Variants in EML4 observed in about 807,000 individuals in gnomAD.
EML4 encodes echinoderm microtubule-associated protein-like 4.
EML4 carries 72 observed loss-of-function variants against 129.0 expected under a neutral mutation model. The ratio of observed to expected loss-of-function variants is 0.56; its 90% CI spans 0.46 to 0.68. The LOEUF is 0.68. EML4 is among the 30% of genes least tolerant of loss of function. The probability of loss-of-function intolerance (pLI) is 0.00; values close to 1 mark genes in which losing one functional copy is unlikely to be tolerated. For synonymous variants in EML4, 532 were observed against 405.0 expected, an observed-to-expected ratio of 1.31 and a Z score of -3.77; for missense variants, 1,363 against 1,190.6, an observed-to-expected ratio of 1.14 and a Z score of -2.13.
intron 1 of EML4, among the ~76,000 whole-genome samples, chr2:42,235,002 C>T (rs556253490): frequency 6.6e-6 from 1 of 152,076 alleles, no homozygotes; most frequent in South Asian, 2.1e-4. Context: ...ACTAAAAATA[C>T]AAAAATTAGC....
intron 6 of EML4, chr2:42,265,081 A>G: frequency 1.1e-6 from 1 of 872,292 alleles, no homozygotes; most frequent in Non-Finnish European, 1.8e-6. Context: ...GAGCTAGATG[A>G]ATCCAGCTAC....
At chr2:42,204,260 C>G (rs1488674414) in intron 1 of EML4, among the ~76,000 whole-genome samples, 1 of 152,072 alleles carries the variant, frequency 6.6e-6, no homozygotes, top group African/African-American at 2.4e-5. Context: ...AGTTTTAGAA[C>G]CATTAGATGA....
intron 1 of EML4, 25 bp downstream of exon 1, chr2:42,169,661 G>C (rs761807290): frequency 1.3e-6 from 2 of 1,599,150 alleles, no homozygotes; most frequent in East Asian, 4.6e-5. Context: ...GGAGTCCTGC[G>C]TCTTCTGCGA....
In EML4 at chr2:42,193,151, A is replaced by G. The variant is rs79724583; in HGVS notation, c.25+23515A>G. 5.6e-3 allele frequency among the ~76,000 whole-genome samples: 859 copies of G among 152,280 alleles called. 5 individuals carry two copies. Among genetic ancestry groups the G allele is most frequent in the East Asian group, 0.024 (124 of 5,184 alleles). ...TGTACCTTTTCTGTGCTTACATACC[A>G]TTGTGTTACCATTGCCTACAGTATT... is the stretch of plus-strand genomic sequence containing the variant. On this transcript the variant is annotated intron_variant, in intron 1 of 22. Coordinates refer to ENST00000318522, the MANE Select transcript of EML4 (RefSeq NM_019063.5).
intron 1 of EML4, among the ~76,000 whole-genome samples, chr2:42,224,466 G>C (rs1451144153): frequency 6.6e-6 from 1 of 152,040 alleles, no homozygotes; most frequent in Non-Finnish European, 1.5e-5. Context: ...TGGACATTTG[G>C]GTTATTTCTA....
At chr2:42,317,154 A>G (rs968169095) in intron 18 of EML4, among the ~76,000 whole-genome samples, 4 of 152,150 alleles carry the variant, frequency 2.6e-5, no homozygotes, top group Non-Finnish European at 4.4e-5. Context: ...GTACCCTTCC[A>G]CCCAAGAAGG....
chr2:42,301,013 G>C lies in EML4; in HGVS notation c.1490-228G>C, dbSNP rs573852574. 6.7e-4 allele frequency among the ~76,000 whole-genome samples: 102 copies of C among 152,166 alleles called. 1 individual carries two copies. Among genetic ancestry groups the C allele is most frequent in the African/African-American group, 2.4e-3 (101 of 41,498 alleles). ...TTGGTTTTTTGTAGGAAAATATTTT[G>C]AAATATTTTCAGAGTAAATAAATAT... On this transcript the variant is annotated intron_variant, in intron 13 of 22. Coordinates refer to ENST00000318522, the MANE Select transcript of EML4 (RefSeq NM_019063.5).
chr2:42,228,611 A>T (rs1415523752), intron 1 of EML4, among the ~76,000 whole-genome samples: 2 of 152,216 alleles, frequency 1.3e-5, no homozygotes, highest in Non-Finnish European at 2.9e-5. Flanking sequence ...GCTTTAAAAA[A>T]TTTCTCATGA....
chr2:42,230,826 A>G (rs183330630), intron 1 of EML4, among the ~76,000 whole-genome samples: 27 of 152,328 alleles, frequency 1.8e-4, no homozygotes, highest in Admixed American at 1.8e-3. Flanking sequence ...ATTCTTAGAT[A>G]AAAGTATCTC....
intron 2 of EML4, among the ~76,000 whole-genome samples, chr2:42,253,245 C>T (rs1026848451): frequency 9.2e-5 from 14 of 152,074 alleles, no homozygotes; most frequent in African/African-American, 2.9e-4. Flanking sequence ...TTTCTTACAC[C>T]TTGTTAAGGA....
At chr2:42,322,510 G>C (rs1035171661) in intron 19 of EML4, among the ~76,000 whole-genome samples, 3 of 152,192 alleles carry the variant, frequency 2.0e-5, no homozygotes, top group African/African-American at 7.2e-5. Context: ...ACTGATTCAG[G>C]TGATAATCAT....
intron 13 of EML4, among the ~76,000 whole-genome samples, chr2:42,298,957 G>C (rs578222028): frequency 5.9e-5 from 9 of 152,272 alleles, no homozygotes; most frequent in African/African-American, 1.7e-4. Context: ...TCCAAATAAA[G>C]CCAGTAGTAC....
At chr2:42,211,468 G>T (rs6705069) in intron 1 of EML4, among the ~76,000 whole-genome samples, 44,611 of 152,052 alleles carry the variant, frequency 0.29, 6,882 homozygotes, top group East Asian at 0.56. Flanking sequence ...ATTGGCTTGG[G>T]TGGAATCTTG....
intron 3 of EML4, among the ~76,000 whole-genome samples, chr2:42,259,719 T>C (rs984233883): frequency 1.7e-5 from 2 of 117,630 alleles, no homozygotes; most frequent in Non-Finnish European, 3.6e-5. Context: ...TGTTTCTTTC[T>C]TTCTTTTTTT....
At position 42,256,605 on chromosome 2, in the gene EML4, G is replaced by C. The variant is rs1348000190; in HGVS notation, c.313G>C (p.Glu105Gln). Residue 105 changes from glutamate (E) to glutamine (Q), a missense_variant, in exon 3 of 23, where the codon GAA (glutamate) becomes CAA (glutamine). Glu to Gln is a conservative substitution (Grantham distance 29, BLOSUM62 2). Transcript: ENST00000318522. ...HTSAVSIAGK[E>Q]TLSSAAKSGT... ...CAGTGCTGTCTCAATTGCAGGAAAA[G>C]AAACTCTTTCATCTGCTGCTAAAAG... 1 of 1,613,538 alleles carries C rather than the reference G, an allele frequency of 6.2e-7. No homozygotes were observed. The highest frequency in any genetic ancestry group is 1.6e-4 in the Middle Eastern group (1 of 6,080).
chr2:42,220,955 C>G (rs573457803), intron 1 of EML4, among the ~76,000 whole-genome samples: 32 of 152,214 alleles, frequency 2.1e-4, no homozygotes, highest in South Asian at 1.5e-3. Flanking sequence ...AGCTGAGAGA[C>G]GTGAGGAAGC....
At chr2:42,297,827 T>C (rs948740073) in intron 13 of EML4, among the ~76,000 whole-genome samples, 6 of 152,196 alleles carry the variant, frequency 3.9e-5, no homozygotes, top group Non-Finnish European at 8.8e-5. Flanking sequence ...TCACAACTAA[T>C]CCTTTTACTT....
At chr2:42,275,072 A>T (rs895392194) in intron 6 of EML4, among the ~76,000 whole-genome samples, 5 of 152,204 alleles carry the variant, frequency 3.3e-5, no homozygotes, top group African/African-American at 9.7e-5. Context: ...GTATCTGAAC[A>T]GCACTGCCTA....
At chr2:42,270,202 AG>A (rs1438131825) in intron 6 of EML4, among the ~76,000 whole-genome samples, 2 of 152,194 alleles carry the variant, frequency 1.3e-5, no homozygotes, top group African/African-American at 4.8e-5. Context: ...CAAACAGGAA[AG>A]GAAGGACAGT....
Sources: gnomAD v4.1 joint callset for allele counts (sites outside exome capture counted in the v4.1 genomes callset) on GRCh38, gnomAD v4.1.1 for gene constraint, MANE v1.5 for transcripts, NCBI Gene and HGNC (gene_info 2026-07-23, HGNC 2026-07-21) for gene names.